The following VWC2L variants were observed in gnomAD, a reference collection of about 807,000 sequenced individuals.
VWC2L encodes von Willebrand factor C domain-containing protein 2-like.
A neutral mutation model predicts 21.6 loss-of-function variants in VWC2L; 10 were observed. That is an observed-to-expected ratio of 0.46 (90% CI 0.29 to 0.78). The LOEUF is 0.78. Ranked by LOEUF, VWC2L falls within the 30% of genes least tolerant of loss-of-function variation. The probability of loss-of-function intolerance (pLI) is 0.10; values close to 1 mark genes in which losing one functional copy is unlikely to be tolerated. For synonymous variants in VWC2L, 96 were observed against 94.3 expected, an observed-to-expected ratio of 1.02 and a Z score of -0.10; for missense variants, 209 against 277.1, an observed-to-expected ratio of 0.75 and a Z score of 1.74.
At chr2:214,488,423 C>G (rs1331917884) in intron 3 of VWC2L, among the ~76,000 whole-genome samples, 2 of 152,110 alleles carry the variant, frequency 1.3e-5, no homozygotes, top group Non-Finnish European at 2.9e-5. Context: ...CATGGCAAAA[C>G]CCTGTCTCTA....
chr2:214,478,599 G>A (rs1490261458), intron 3 of VWC2L, among the ~76,000 whole-genome samples: 1 of 152,138 alleles, frequency 6.6e-6, no homozygotes, highest in African/African-American at 2.4e-5. Flanking sequence ...TTTTCCTAGA[G>A]TTATCTCCTC....
intron 2 of VWC2L, among the ~76,000 whole-genome samples, chr2:214,422,965 T>C (rs1006397770): frequency 6.6e-6 from 1 of 152,192 alleles, no homozygotes; most frequent in African/African-American, 2.4e-5. Flanking sequence ...GGCTACAGAA[T>C]TGATACAATA....
chr2:214,479,589 G>A (rs1226007278), intron 3 of VWC2L, among the ~76,000 whole-genome samples: 1 of 152,156 alleles, frequency 6.6e-6, no homozygotes, highest in Non-Finnish European at 1.5e-5. Context: ...CGGATCACCT[G>A]AGGTCAAGCG....
intron 3 of VWC2L, among the ~76,000 whole-genome samples, chr2:214,488,837 A>G (rs1289701204): frequency 6.6e-6 from 1 of 152,090 alleles, no homozygotes; most frequent in Non-Finnish European, 1.5e-5. Context: ...AAGAGAGAGG[A>G]GGGAGGTGCC....
intron 2 of VWC2L, among the ~76,000 whole-genome samples, chr2:214,430,790 G>A (rs946159459): frequency 2.6e-5 from 4 of 152,144 alleles, no homozygotes; most frequent in Non-Finnish European, 4.4e-5. Flanking sequence ...ATAATACCAC[G>A]ATATACATTT....
intron 3 of VWC2L, among the ~76,000 whole-genome samples, chr2:214,535,231 A>G (rs73074634): frequency 0.063 from 9,612 of 152,168 alleles, 690 homozygotes; most frequent in African/African-American, 0.18. Context: ...TGTGTTTCCT[A>G]TAATGTTTTC....
chr2:214,509,751 G>T (rs1689024641), intron 3 of VWC2L, among the ~76,000 whole-genome samples: 1 of 152,168 alleles, frequency 6.6e-6, no homozygotes. Flanking sequence ...CTCTACCCCA[G>T]TTTAAAGCTC....
At chr2:214,554,681 C>T (rs4599106) in intron 3 of VWC2L, among the ~76,000 whole-genome samples, 104,261 of 151,886 alleles carry the variant, frequency 0.69, 37,517 homozygotes, top group East Asian at 0.83. Flanking sequence ...AACAAACAAA[C>T]AAAACAAAGC....
At chr2:214,481,205 G>A (rs1405937730) in intron 3 of VWC2L, among the ~76,000 whole-genome samples, 2 of 152,112 alleles carry the variant, frequency 1.3e-5, no homozygotes, top group Non-Finnish European at 2.9e-5. Flanking sequence ...CCCAAAACTG[G>A]GCTGGCTATG....
At chr2:214,542,917 C>T (rs183604977) in intron 3 of VWC2L, among the ~76,000 whole-genome samples, 2 of 152,264 alleles carry the variant, frequency 1.3e-5, no homozygotes, top group South Asian at 2.1e-4. Flanking sequence ...TTATTGCACA[C>T]CTCCTCTGTA....
At chr2:214,501,782 A>G (rs926642061) in intron 3 of VWC2L, among the ~76,000 whole-genome samples, 1 of 151,688 alleles carries the variant, frequency 6.6e-6, no homozygotes, top group Non-Finnish European at 1.5e-5. Flanking sequence ...TAAAAAGGCT[A>G]CTTGCTGCTG....
intron 3 of VWC2L, among the ~76,000 whole-genome samples, chr2:214,472,578 C>T (rs539814850): frequency 1.6e-4 from 24 of 152,082 alleles, no homozygotes; most frequent in Non-Finnish European, 2.9e-4. Context: ...ATAAGAACCA[C>T]CTTTGAATAC....
At chr2:214,447,314 C>T (rs1372253480) in intron 3 of VWC2L, among the ~76,000 whole-genome samples, 1 of 152,100 alleles carries the variant, frequency 6.6e-6, no homozygotes, top group Non-Finnish European at 1.5e-5. Context: ...CAGTGACCCC[C>T]AAGCTCTTCT....
intron 3 of VWC2L, among the ~76,000 whole-genome samples, chr2:214,546,842 C>T (rs1689714518): frequency 6.6e-6 from 1 of 152,084 alleles, no homozygotes. Context: ...CTATGCCAAA[C>T]TCAAGTGTCA....
At chr2:214,525,548 A>G (rs1232961311) in intron 3 of VWC2L, among the ~76,000 whole-genome samples, 1 of 152,138 alleles carries the variant, frequency 6.6e-6, no homozygotes, top group Non-Finnish European at 1.5e-5. Flanking sequence ...GAATGTGGCA[A>G]TAACTCTCTT....
At chr2:214,436,314 A>C (rs1166876384) in intron 2 of VWC2L, 2 of 232,560 alleles carry the variant, frequency 8.6e-6, no homozygotes, top group Non-Finnish European at 1.8e-5. Flanking sequence ...AGCAATCAGT[A>C]CATCTGGAAA....
chr2:214,571,265 T>C (rs1197806210), intron 3 of VWC2L, among the ~76,000 whole-genome samples: 1 of 152,198 alleles, frequency 6.6e-6, no homozygotes, highest in Admixed American at 6.5e-5. Flanking sequence ...ATCCTCTATT[T>C]CAGAGAGATA....
chr2:214,506,555 G>A (rs745891794), intron 3 of VWC2L, among the ~76,000 whole-genome samples: 1 of 152,050 alleles, frequency 6.6e-6, no homozygotes. Context: ...AAAACCTTTA[G>A]AAATCATCAC....
chr2:214,566,077 A>G (rs1472446097), intron 3 of VWC2L, among the ~76,000 whole-genome samples: 2 of 152,232 alleles, frequency 1.3e-5, no homozygotes, highest in Non-Finnish European at 2.9e-5. Context: ...TTTGAAAATC[A>G]TTAAAAGATC....
Sources: gnomAD v4.1 joint callset for allele counts (sites outside exome capture counted in the v4.1 genomes callset) on GRCh38, gnomAD v4.1.1 for gene constraint, MANE v1.5 for transcripts, NCBI Gene and HGNC (gene_info 2026-07-23, HGNC 2026-07-21) for gene names.